ASAP3: variants seen among roughly 807,000 people sequenced by gnomAD.
ASAP3 encodes arf-GAP with SH3 domain, ANK repeat and PH domain-containing protein 3.
A neutral mutation model predicts 118.2 loss-of-function variants in ASAP3; 85 were observed. The ratio of observed to expected loss-of-function variants is 0.72; its 90% CI spans 0.60 to 0.86. ASAP3 has a LOEUF of 0.86. Among genes scored for constraint, ASAP3 ranks in the 40% least tolerant of loss-of-function variants. ASAP3 has a pLI of 0.00. For synonymous variants in ASAP3, 432 were observed against 477.4 expected (o/e 0.90, Z 1.24); for missense variants, 1,026 against 1,175.0 (o/e 0.87, Z 1.85).
chr1:23,472,238 AT>A (rs1367966272), intron 1 of ASAP3, among the ~76,000 whole-genome samples: 1 of 152,208 alleles, frequency 6.6e-6, no homozygotes, highest in Non-Finnish European at 1.5e-5. Context: ...TGTTATGTGA[AT>A]TTTACCTGAA....
In ASAP3 at chr1:23,437,231, G is replaced by A. The variant is rs1640704886; in HGVS notation, c.1241C>T (p.Ser414Phe). The A allele has an allele frequency of 2.5e-6, 4 of 1,591,198 alleles. No homozygotes were observed. In the South Asian group the frequency reaches 4.5e-5, roughly 18 times the overall value. The part of the protein sequence containing the change: ...EPSAGPGSWG[S>F]AGHDGEPHDL... Reference sequence around the variant, plus strand: ...GTGCGGCTCCCCATCATGGCCGGCGGACCCCCAGGACCCCGGGCCAGCGCT... The same window carrying A: ...GTGCGGCTCCCCATCATGGCCGGCGAACCCCCAGGACCCCGGGCCAGCGCT... Residue 414 changes from serine (S) to phenylalanine (F), a missense_variant, in exon 14 of 25, where the codon TCC becomes TTC. Physicochemically the swap from Ser to Phe is radical, Grantham distance 155. Transcript: ENST00000336689. This position sits in a 1 kb window ranked among gnomAD's most constrained non-coding sequence, Gnocchi z 6.1.
chr1:23,473,103 T>C (rs982579914), intron 1 of ASAP3, among the ~76,000 whole-genome samples: 1 of 152,160 alleles, frequency 6.6e-6, no homozygotes, highest in African/African-American at 2.4e-5. Flanking sequence ...CCTGCCTTTG[T>C]ACACCACAGG....
intron 4 of ASAP3, 73 bp downstream of exon 4, chr1:23,452,624 C>T: frequency 2.0e-6 from 3 of 1,513,860 alleles, no homozygotes; most frequent in Non-Finnish European, 2.7e-6. Context: ...TCAGTCCAGC[C>T]CTGCCCCCCA....
rs564898150 is a variant in ASAP3 at position 23,444,288 on chromosome 1, G to A, written c.474-1676C>T. On this transcript the variant is annotated intron_variant, in intron 5 of 24. Coordinates refer to ENST00000336689, the MANE Select transcript of ASAP3 (RefSeq NM_017707.4). ...CCTCTTTGGGGATGGGTGGATCTGTGTGTAAATGGTTTCCTGGAAATCCCA... is the reference window on the plus strand; with the variant it reads ...CCTCTTTGGGGATGGGTGGATCTGTATGTAAATGGTTTCCTGGAAATCCCA... 2.6e-5 allele frequency among the ~76,000 whole-genome samples: 4 copies of A among 152,296 alleles called. No individual in the cohort carries two copies. The East Asian group carries it at 7.7e-4, about 29-fold the overall frequency.
At chr1:23,434,231 C>T (rs201079898) in intron 19 of ASAP3, 23 bp downstream of exon 19, 39 of 1,610,708 alleles carry the variant, frequency 2.4e-5, no homozygotes, top group Admixed American at 1.7e-4. Flanking sequence ...AGGAGTCTGA[C>T]GGAGGAGGTA....
rs1432211584 is a variant in ASAP3 at position 23,437,043 on chromosome 1, G to T, written c.1344C>A (p.Asp448Glu). Residue 448 changes from aspartate to glutamate, a missense_variant and splice_region_variant, in exon 15 of 25, where the codon GAC becomes GAA. Coordinates refer to ENST00000336689, the MANE Select transcript of ASAP3 (RefSeq NM_017707.4). This position sits in a 1 kb window ranked among gnomAD's most constrained non-coding sequence, Gnocchi z 6.1. ...NSQCCDCGAA[D>E]PTWLSTNLGV... is the part of the protein sequence containing the mutation. Reference sequence around the variant, plus strand: ...CCAGGTTGGTGCTGAGCCACGTGGGGTCTGCAGAGGAAAGCAGCTGGAGCC... The same window carrying T: ...CCAGGTTGGTGCTGAGCCACGTGGGTTCTGCAGAGGAAAGCAGCTGGAGCC... 1 of 1,610,218 alleles carries T rather than the reference G, an allele frequency of 6.2e-7. No homozygotes were observed.
At chr1:23,451,981 A>G (rs1183539116) in intron 4 of ASAP3, among the ~76,000 whole-genome samples, 2 of 152,222 alleles carry the variant, frequency 1.3e-5, no homozygotes, top group African/African-American at 4.8e-5. Context: ...GTCAAGGAAC[A>G]TGCACAGAGA....
intron 5 of ASAP3, 91 bp from the exon 6 acceptor site, chr1:23,442,703 T>G: frequency 5.9e-6 from 9 of 1,515,720 alleles, no homozygotes. Flanking sequence ...GGCCACATGG[T>G]GCAGGAGGCC....
At chr1:23,472,035 A>T (rs1641978982) in intron 1 of ASAP3, among the ~76,000 whole-genome samples, 1 of 152,232 alleles carries the variant, frequency 6.6e-6, no homozygotes, top group Non-Finnish European at 1.5e-5. Flanking sequence ...TGAACTGTCC[A>T]GAATAGGTAA....
intron 1 of ASAP3, among the ~76,000 whole-genome samples, chr1:23,475,728 T>C (rs1361176096): frequency 6.6e-6 from 1 of 152,160 alleles, no homozygotes; most frequent in African/African-American, 2.4e-5. Flanking sequence ...CCTAACATTT[T>C]GGGAGGCCAA....
rs1640751169 is a variant in ASAP3 at position 23,438,419 on chromosome 1, A to G, written c.1102+328T>C. Among the ~76,000 whole-genome samples, 1 of 152,216 alleles carries G rather than the reference A, an allele frequency of 6.6e-6. No individual in the cohort carries two copies. Among genetic ancestry groups the G allele is most frequent in the South Asian group, 2.1e-4 (1 of 4,830 alleles). ...GAAAAGTAGAAAATGTAAAGAAACA[A>G]TAATTTCATCTCCTTCAAGTCTGGG... is the stretch of plus-strand genomic sequence containing the variant. On this transcript the variant is annotated intron_variant, in intron 12 of 24. Transcript: ENST00000336689. The surrounding 1 kb of genome is among the most constrained non-coding windows in gnomAD (Gnocchi z 4.9).
rs1640753858 is a variant in ASAP3, at chr1:23,438,500, GACCCAAATCC to G, written c.1102+237_1102+246del. On this transcript the variant is annotated intron_variant, in intron 12 of 24. Coordinates refer to ENST00000336689, the MANE Select transcript of ASAP3 (RefSeq NM_017707.4). The surrounding 1 kb of genome is among the most constrained non-coding windows in gnomAD (Gnocchi z 4.9). ...AAAGAAATAATTTCAAAACCCAGAT[GACCCAAATCC>G]ACTCAAATATGCTCTGTATAAATAG... is the stretch of plus-strand genomic sequence containing the variant. Among the ~76,000 whole-genome samples, 1 of 152,204 alleles carries G rather than the reference GACCCAAATCC, an allele frequency of 6.6e-6. No individual in the cohort carries two copies. Among genetic ancestry groups the G allele is most frequent in the Non-Finnish European group, 1.5e-5 (1 of 68,028 alleles).
chr1:23,458,615 A>G (rs1482288562), intron 1 of ASAP3, among the ~76,000 whole-genome samples: 1 of 152,146 alleles, frequency 6.6e-6, no homozygotes, highest in Non-Finnish European at 1.5e-5. Context: ...CAAAGCAAAC[A>G]AACAAAAAAC....
chr1:23,460,275 G>A (rs542743652), intron 1 of ASAP3, among the ~76,000 whole-genome samples: 5 of 152,136 alleles, frequency 3.3e-5, no homozygotes, highest in Non-Finnish European at 7.4e-5. Flanking sequence ...GGGAGGCTGA[G>A]GCTGGTGGAT....
chr1:23,461,764 G>C (rs185103085), intron 1 of ASAP3, among the ~76,000 whole-genome samples: 40 of 152,206 alleles, frequency 2.6e-4, no homozygotes, highest in Admixed American at 1.6e-3. Context: ...GCGATGTCTA[G>C]AGCTCAGGCA....
At chr1:23,463,322 T>C (rs1641656560) in intron 1 of ASAP3, among the ~76,000 whole-genome samples, 2 of 152,024 alleles carry the variant, frequency 1.3e-5, no homozygotes, top group Admixed American at 6.6e-5. Flanking sequence ...ACACCTATCC[T>C]GTGGTATAAT....
intron 24 of ASAP3, 143 bp from the exon 25 acceptor site, chr1:23,430,073 G>T: frequency 2.8e-6 from 2 of 725,432 alleles, no homozygotes; most frequent in Non-Finnish European, 4.4e-6. Context: ...GCTTGAGGAA[G>T]TGAAGCCACT....
intron 1 of ASAP3, among the ~76,000 whole-genome samples, chr1:23,478,984 G>A (rs890100929): frequency 1.2e-4 from 18 of 152,052 alleles, no homozygotes; most frequent in Admixed American, 4.6e-4. Flanking sequence ...TCTGAGAAGC[G>A]CCCCCTCCCA....
rs556408944 is a variant in ASAP3, at chr1:23,468,467, C to T, written c.130-12273G>A. ...TGGGAAGATCAATGAAACTCCAACG[C>T]TAAAAAGGAGTTTTCCTGTGGGATG... On this transcript the variant is annotated intron_variant, in intron 1 of 24. Coordinates refer to ENST00000336689, the MANE Select transcript of ASAP3 (RefSeq NM_017707.4). Among the ~76,000 whole-genome samples the T allele has an allele frequency of 6.6e-5, 10 of 152,262 alleles. No individual in the cohort carries two copies. The South Asian group carries it at 1.7e-3, about 25-fold the overall frequency.
Sources: allele counts gnomAD v4.1 joint callset (sites outside exome capture counted in the v4.1 genomes callset), GRCh38; gene constraint gnomAD v4.1.1; non-coding constraint Gnocchi (gnomAD v3.1); transcripts MANE v1.5; gene names NCBI Gene and HGNC (gene_info 2026-07-23, HGNC 2026-07-21).